The following PPP2R3B variants were observed in gnomAD, a reference collection of about 807,000 sequenced individuals.
PPP2R3B encodes serine/threonine-protein phosphatase 2A regulatory subunit B'' subunit beta.
PPP2R3B carries 68 observed loss-of-function variants against 72.9 expected under a neutral mutation model. The ratio of observed to expected loss-of-function variants is 0.93; its 90% CI spans 0.77 to 1.14. The LOEUF is 1.14. Ranked by LOEUF, PPP2R3B falls within the 50% of genes most tolerant of loss-of-function variation. The pLI is 0.00. For missense variants in PPP2R3B, 1,018 were observed against 842.0 expected, an observed-to-expected ratio of 1.21 and a Z score of -2.59; for synonymous variants, 466 against 375.8, an observed-to-expected ratio of 1.24 and a Z score of -2.78.
intron 2 of PPP2R3B, among the ~76,000 whole-genome samples, chrX:348,208 GAACGCA>G (rs1311920645): frequency 6.6e-6 from 1 of 152,152 alleles, no homozygotes; most frequent in African/African-American, 2.4e-5. Flanking sequence ...GGCAGAGATG[GAACGCA>G]AAGTAAATAG....
intron 2 of PPP2R3B, among the ~76,000 whole-genome samples, chrX:353,364 A>G (rs970545026): frequency 2.0e-5 from 3 of 150,208 alleles, no homozygotes; most frequent in African/African-American, 7.5e-5. Context: ...ACAGAGCAAG[A>G]CTCTGTCTCC....
intron 1 of PPP2R3B, among the ~76,000 whole-genome samples, chrX:380,636 CT>C (rs1274530037): frequency 1.1e-4 from 17 of 151,744 alleles, no homozygotes; most frequent in Admixed American, 6.6e-5. Context: ...AAATACAAAA[CT>C]AGCCGGGCGT....
chrX:355,016 C>G (rs1349779586), intron 2 of PPP2R3B, among the ~76,000 whole-genome samples: 2 of 152,178 alleles, frequency 1.3e-5, no homozygotes, highest in Non-Finnish European at 2.9e-5. Context: ...GCAGGCCGAG[C>G]CTGTGTACAG....
chrX:375,607 C>T (rs1276994038), intron 1 of PPP2R3B, among the ~76,000 whole-genome samples: 9 of 151,432 alleles, frequency 5.9e-5, no homozygotes, highest in African/African-American at 1.5e-4. Flanking sequence ...CGATGTGGGG[C>T]GCAAACTCAC....
intron 6 of PPP2R3B, 83 bp downstream of exon 6, chrX:346,090 AG>A (rs1297621574): frequency 6.7e-5 from 37 of 549,398 alleles, no homozygotes; most frequent in Middle Eastern, 4.5e-4. Context: ...GGGAGGAGGG[AG>A]GGGGGAGGAG....
At chrX:366,827 C>T (rs753740593) in intron 1 of PPP2R3B, among the ~76,000 whole-genome samples, 10 of 130,854 alleles carry the variant, frequency 7.6e-5, no homozygotes, top group Admixed American at 6.2e-4. Flanking sequence ...CGCACTACTG[C>T]ACTCCAGCCT....
intron 1 of PPP2R3B, among the ~76,000 whole-genome samples, chrX:376,209 A>AG (rs1351893907): frequency 6.6e-6 from 1 of 152,124 alleles, no homozygotes; most frequent in Non-Finnish European, 1.5e-5. Flanking sequence ...AAAAAAAAAA[A>AG]AAAAAGACTT....
intron 1 of PPP2R3B, among the ~76,000 whole-genome samples, chrX:371,041 G>T (rs1164122089): frequency 1.3e-5 from 2 of 152,114 alleles, no homozygotes; most frequent in Non-Finnish European, 2.9e-5. Context: ...CCCCAGGCGG[G>T]GAGGGCCAGG....
At chrX:355,315 C>A (rs1415975166) in intron 2 of PPP2R3B, among the ~76,000 whole-genome samples, 1 of 152,136 alleles carries the variant, frequency 6.6e-6, no homozygotes, top group African/African-American at 2.4e-5. Flanking sequence ...TGAACAAGAC[C>A]AAACTACAAG....
In PPP2R3B at chrX:386,775, G is replaced by A. The variant is rs900641620; in HGVS notation, c.-84C>T. On this transcript the variant is annotated 5_prime_UTR_variant, in exon 1 of 13. Coordinates refer to ENST00000390665, the MANE Select transcript of PPP2R3B (RefSeq NM_013239.5). ...TTCGGTCCGCCCCGGACCGACCTCG[G>A]TGATGCGAGCACGGCCCGCTGAGGG... The A allele has an allele frequency of 1.1e-6, 1 of 880,950 alleles. No individual in the cohort carries two copies. Among genetic ancestry groups the A allele is most frequent in the African/African-American group, 1.8e-5 (1 of 56,064 alleles). 54.6% of individuals were successfully genotyped at this position (880,950 alleles called of 1,614,324 possible). A position where few individuals can be genotyped will look rare whatever the true frequency, so the allele number is the denominator to read the frequency against.
In PPP2R3B at chrX:386,575, G is replaced by T; in HGVS notation, c.117C>A (p.Ile39=). The T allele has an allele frequency of 6.9e-7, 1 of 1,447,462 alleles. No individual in the cohort carries two copies. The highest frequency in any genetic ancestry group is 1.3e-5 in the South Asian group (1 of 75,992). The allele number at this position is 1,447,462 out of a possible 1,614,324, so 89.7% of individuals were successfully genotyped here. ...TCGGCTGGTCCCGCCCGGGCGCCTT[G>T]ATCCGGCGCAGGCAGTCCTGCAGCA... is the stretch of plus-strand genomic sequence containing the variant. ...QRMLQDCLRR[I]KAPGRDQPTP... Residue 39 remains isoleucine (I), a synonymous_variant, in exon 1 of 13, where the codon ATC becomes ATA. Transcript: ENST00000390665.
intron 2 of PPP2R3B, among the ~76,000 whole-genome samples, chrX:356,574 G>T (rs1395610307): frequency 2.6e-5 from 4 of 152,174 alleles, no homozygotes; most frequent in Non-Finnish European, 1.5e-5. Flanking sequence ...AGATGAGGCA[G>T]AGCTCACCTC....
chrX:371,630 A>C (rs1219165975), intron 1 of PPP2R3B, among the ~76,000 whole-genome samples: 1 of 152,034 alleles, frequency 6.6e-6, no homozygotes, highest in Non-Finnish European at 1.5e-5. Flanking sequence ...TGAAAACAGT[A>C]CCGTGCTGCC....
chrX:382,196 CTTTTTT>C (rs769206203), intron 1 of PPP2R3B, among the ~76,000 whole-genome samples: 66 of 130,070 alleles, frequency 5.1e-4, no homozygotes, highest in African/African-American at 1.8e-3. Flanking sequence ...CTTTTTTTTT[CTTTTTT>C]TTTTTTTTTT....
chrX:338,958 T>TG (rs2070975012), intron 10 of PPP2R3B, 62 bp from the exon 11 acceptor site: 1 of 1,385,328 alleles, frequency 7.2e-7, no homozygotes, highest in Admixed American at 1.7e-5. Flanking sequence ...GGCCTGGGTG[T>TG]GGGGTGCGCG....
intron 1 of PPP2R3B, among the ~76,000 whole-genome samples, chrX:384,354 T>G (rs1281572392): frequency 6.7e-6 from 1 of 150,144 alleles, no homozygotes; most frequent in African/African-American, 2.5e-5. Flanking sequence ...TGGTGAGCAG[T>G]GGTGCAATCT....
intron 2 of PPP2R3B, among the ~76,000 whole-genome samples, chrX:353,930 G>A (rs1408987625): frequency 7.1e-5 from 10 of 141,772 alleles, no homozygotes; most frequent in East Asian, 2.2e-4. Context: ...CCCAGGGACC[G>A]GGGGCTCACC....
intron 2 of PPP2R3B, among the ~76,000 whole-genome samples, chrX:353,911 T>G (rs2738338): frequency 1.7e-5 from 2 of 118,750 alleles, no homozygotes; most frequent in African/African-American, 3.3e-5. Flanking sequence ...ACCCAAAGAC[T>G]GGGGCTCGCC....
chrX:378,719 T>C (rs1286551202), intron 1 of PPP2R3B, among the ~76,000 whole-genome samples: 1 of 152,070 alleles, frequency 6.6e-6, no homozygotes, highest in African/African-American at 2.4e-5. Flanking sequence ...ACAGTTTCCA[T>C]GGTTGCAGAT....
Sources: gnomAD v4.1 joint callset for allele counts (sites outside exome capture counted in the v4.1 genomes callset) on GRCh38, gnomAD v4.1.1 for gene constraint, MANE v1.5 for transcripts, NCBI Gene and HGNC (gene_info 2026-07-23, HGNC 2026-07-21) for gene names.